The following C11orf65 variants were observed in gnomAD, a reference collection of about 807,000 sequenced individuals.
C11orf65 encodes chromosome 11 open reading frame 65, also known as protein MFI.
Under a neutral mutation model 35.3 loss-of-function variants are expected in C11orf65, and 38 were observed. The observed-to-expected ratio is 1.08, with a 90% confidence interval of 0.83 to 1.41. The LOEUF (loss-of-function observed/expected upper bound fraction) is 1.41. Ranked by LOEUF, C11orf65 falls within the 40% of genes most tolerant of loss-of-function variation. C11orf65 has a pLI of 0.00. For synonymous variants in C11orf65, 105 were observed against 114.4 expected (o/e 0.92, Z 0.53); for missense variants, 370 against 367.1 (o/e 1.01, Z -0.06).
downstream of C11orf65, chr11:108,329,154 C>T (rs730881315): frequency 8.7e-6 from 14 of 1,613,960 alleles, no homozygotes; most frequent in East Asian, 2.2e-5. Flanking sequence ...ATGAAATCAT[C>T]GGAATTTGAA....
At chr11:108,374,811 A>G (rs1226466847) in intron 2 of C11orf65, among the ~76,000 whole-genome samples, 4 of 152,244 alleles carry the variant, frequency 2.6e-5, no homozygotes, top group African/African-American at 9.6e-5. Context: ...TGGAGCTGAA[A>G]GCCAAGGCTC....
intron 2 of C11orf65, among the ~76,000 whole-genome samples, chr11:108,360,068 AAGAG>A (rs879403981): frequency 0.019 from 2,857 of 151,886 alleles, 30 homozygotes; most frequent in Admixed American, 0.034. Flanking sequence ...ATAAAGAAAA[AAGAG>A]AGAAGAATCA....
At chr11:108,445,464 T>C (rs956557353) in intron 2 of C11orf65, among the ~76,000 whole-genome samples, 5 of 152,084 alleles carry the variant, frequency 3.3e-5, no homozygotes, top group Admixed American at 1.3e-4. Flanking sequence ...CACTGTTCTA[T>C]AGCCACCGCT....
At chr11:108,421,282 C>T (rs2092812195) in intron 3 of C11orf65, among the ~76,000 whole-genome samples, 1 of 152,138 alleles carries the variant, frequency 6.6e-6, no homozygotes, top group South Asian at 2.1e-4. Flanking sequence ...TAAGCTGGCC[C>T]ATCCCTGTGA....
intron 2 of C11orf65, among the ~76,000 whole-genome samples, chr11:108,362,843 A>G (rs1396958047): frequency 6.6e-6 from 1 of 150,588 alleles, no homozygotes; most frequent in African/African-American, 2.4e-5. Flanking sequence ...AGATATACCT[A>G]ATGCTAGATG....
chr11:108,442,403 AG>A (rs1290231420), intron 2 of C11orf65, among the ~76,000 whole-genome samples: 1 of 152,208 alleles, frequency 6.6e-6, no homozygotes, highest in African/African-American at 2.4e-5. Flanking sequence ...AACACTCTTA[AG>A]AATACTATCC....
At chr11:108,461,016 C>G (rs557804567) in intron 2 of C11orf65, among the ~76,000 whole-genome samples, 1 of 152,046 alleles carries the variant, frequency 6.6e-6, no homozygotes, top group African/African-American at 2.4e-5. Flanking sequence ...TGAGCCACCA[C>G]GCCCGGCCAA....
chr11:108,414,250 T>C (rs144499968), intron 3 of C11orf65, among the ~76,000 whole-genome samples: 94 of 152,176 alleles, frequency 6.2e-4, no homozygotes, highest in African/African-American at 2.2e-3. Flanking sequence ...AATTGAATAC[T>C]TTATTGTCAT....
intron 6 of C11orf65, among the ~76,000 whole-genome samples, chr11:108,311,508 C>T (rs1321138418): frequency 6.6e-6 from 1 of 152,000 alleles, no homozygotes; most frequent in Non-Finnish European, 1.5e-5. Context: ...CCAGCTTGGG[C>T]AACATAGTGA....
intron 2 of C11orf65, among the ~76,000 whole-genome samples, chr11:108,438,279 C>T (rs2093095607): frequency 6.6e-6 from 1 of 152,168 alleles, no homozygotes; most frequent in East Asian, 1.9e-4. Flanking sequence ...AGGTGGCATG[C>T]AGTGGCTCAC....
At chr11:108,343,702 C>T (rs935182495) in intron 2 of C11orf65, among the ~76,000 whole-genome samples, 1 of 152,152 alleles carries the variant, frequency 6.6e-6, no homozygotes, top group Non-Finnish European at 1.5e-5. Flanking sequence ...ATCCCAGCTA[C>T]TTGAGAGGCT....
intron 2 of C11orf65, among the ~76,000 whole-genome samples, chr11:108,435,426 G>T (rs1341542978): frequency 2.6e-5 from 4 of 152,236 alleles, no homozygotes; most frequent in Admixed American, 1.3e-4. Context: ...AAGATGTCTA[G>T]AATTCAGGAG....
At chr11:108,437,117 G>GGT (rs1328298071) in intron 2 of C11orf65, among the ~76,000 whole-genome samples, 1 of 148,840 alleles carries the variant, frequency 6.7e-6, no homozygotes, top group Non-Finnish European at 1.5e-5. Context: ...AAAAGGGGGG[G>GGT]GGTGGACAAA....
chr11:108,428,190 G>A (rs1477980888), intron 3 of C11orf65, among the ~76,000 whole-genome samples: 1 of 152,096 alleles, frequency 6.6e-6, no homozygotes, highest in East Asian at 1.9e-4. Flanking sequence ...GGAGAAACAG[G>A]AATGCTTTTA....
intron 6 of C11orf65, among the ~76,000 whole-genome samples, chr11:108,403,159 T>C (rs1591476036): frequency 6.6e-6 from 1 of 152,322 alleles, no homozygotes; most frequent in East Asian, 1.9e-4. Flanking sequence ...AAAAAACTTG[T>C]CAAACCGTTT....
chr11:108,424,190 C>T (rs917382179), intron 3 of C11orf65, among the ~76,000 whole-genome samples: 1 of 152,052 alleles, frequency 6.6e-6, no homozygotes, highest in African/African-American at 2.4e-5. Flanking sequence ...TCTAGAATAA[C>T]CAGTTTAGAG....
chr11:108,314,221 T>A (rs2084412669), intron 6 of C11orf65, among the ~76,000 whole-genome samples: 1 of 151,984 alleles, frequency 6.6e-6, no homozygotes, highest in Non-Finnish European at 1.5e-5. Context: ...GCTCAAGCCA[T>A]CCTCCAACCT....
At chr11:108,443,808 A>G (rs1367459384) in intron 2 of C11orf65, among the ~76,000 whole-genome samples, 1 of 152,202 alleles carries the variant, frequency 6.6e-6, no homozygotes, top group East Asian at 1.9e-4. Context: ...TCTCTGGGAC[A>G]CATTTAAAGT....
intron 2 of C11orf65, among the ~76,000 whole-genome samples, chr11:108,357,636 C>G (rs2090162886): frequency 1.3e-5 from 2 of 152,210 alleles, no homozygotes; most frequent in Middle Eastern, 6.8e-3. Flanking sequence ...GGTTCCTGAC[C>G]CCTGACCCCC....
Sources: gnomAD v4.1 joint callset for allele counts (sites outside exome capture counted in the v4.1 genomes callset) on GRCh38, gnomAD v4.1.1 for gene constraint, MANE v1.5 for transcripts, NCBI Gene and HGNC (gene_info 2026-07-23, HGNC 2026-07-21) for gene names.